Variants in PHF20 observed in about 807,000 individuals in gnomAD.
The protein encoded by PHF20 is PHD finger protein 20, also known as glioma-expressed antigen 2.
In PHF20, 23 loss-of-function variants were observed where a neutral mutation model predicts 113.5. The observed-to-expected ratio is 0.20, with a 90% CI of 0.15 to 0.29. PHF20 has a LOEUF of 0.29. Ranked by LOEUF, PHF20 falls within the 10% of genes least tolerant of loss-of-function variation. The pLI, the probability that PHF20 is intolerant of heterozygous loss-of-function variation, is 1.00. For synonymous variants in PHF20, 434 were observed against 457.3 expected, an observed-to-expected ratio of 0.95 and a Z score of 0.65; for missense variants, 943 against 1,219.6, an observed-to-expected ratio of 0.77 and a Z score of 3.38.
At chr20:35,931,705 C>G (rs2055758079) in intron 15 of PHF20, among the ~76,000 whole-genome samples, 1 of 152,038 alleles carries the variant, frequency 6.6e-6, no homozygotes, top group Non-Finnish European at 1.5e-5. Context: ...GTAATCCCAG[C>G]ACTTTGGGAG....
At chr20:35,898,984 A>G (rs1174524251) in intron 9 of PHF20, among the ~76,000 whole-genome samples, 1 of 152,030 alleles carries the variant, frequency 6.6e-6, no homozygotes, top group Non-Finnish European at 1.5e-5. Context: ...CCTGATCTCG[A>G]GTGATCCACC....
intron 13 of PHF20, among the ~76,000 whole-genome samples, chr20:35,923,399 A>C (rs931466109): frequency 1.3e-5 from 2 of 152,244 alleles, no homozygotes; most frequent in East Asian, 3.8e-4. Context: ...CCAGGAGTTC[A>C]AAACCAGCTT....
chr20:35,847,713 C>T (rs934387291), intron 4 of PHF20, among the ~76,000 whole-genome samples: 2 of 152,170 alleles, frequency 1.3e-5, no homozygotes, highest in African/African-American at 4.8e-5. Context: ...TATGCAGGTA[C>T]TTGCTGTCTA....
intron 3 of PHF20, 69 bp from the exon 4 acceptor site, chr20:35,847,281 G>GGTATGTCCT (rs1471405028): frequency 1.0e-6 from 1 of 997,198 alleles, no homozygotes; most frequent in African/African-American, 1.6e-5. Flanking sequence ...TATGAGATCT[G>GGTATGTCCT]GTATGTCCTG....
rs373749838 is a variant in PHF20, at chr20:35,925,697, ATT to A, written c.2005-2070_2005-2069del. On this transcript the variant is annotated intron_variant, in intron 13 of 17. Coordinates refer to ENST00000374012, the MANE Select transcript of PHF20 (RefSeq NM_016436.5). ...TGTGTGTTCTTCAAATAGTATTTAC[ATT>A]TTTTTTTTTTTTAGAGAGGCAATAC... Among the ~76,000 whole-genome samples, 15 of 140,582 alleles carry A rather than the reference ATT, an allele frequency of 1.1e-4. No individual in the cohort carries two copies. The East Asian group carries it at 1.3e-3, about 12-fold the overall frequency. 92.2% of individuals were successfully genotyped at this position (140,582 alleles called of 152,430 possible).
chr20:35,869,312 TG>T lies in PHF20; in HGVS notation c.809-125del. Reference sequence around the variant, plus strand: ...TTTATCTTAAGTAAGAATGCCCTTTTGATGGCCCATTTATAATGCAGTGATT... The same window carrying T: ...TTTATCTTAAGTAAGAATGCCCTTTTATGGCCCATTTATAATGCAGTGATT... On this transcript the variant is annotated intron_variant, in intron 6 of 17. Coordinates refer to ENST00000374012, the MANE Select transcript of PHF20 (RefSeq NM_016436.5). 6.1e-6 allele frequency: 3 copies of T among 495,178 alleles called. No homozygotes were observed. The South Asian group carries it at 1.1e-4, about 18-fold the overall frequency. The allele number at this position is 495,178 out of a possible 1,614,324, so 30.7% of individuals were successfully genotyped here.
Position 35,899,446 on chromosome 20 carries a change from A to G in PHF20, c.1359A>G (p.Arg453=), listed in dbSNP as rs1303664694. ...APAVDLDHKF[R]CKVVDCLKFF... ...CTGTCGACCTAGACCATAAGTTTAGATGCAAAGTTGTGGACTGTTTAAAAT... is the reference window on the plus strand; with the variant it reads ...CTGTCGACCTAGACCATAAGTTTAGGTGCAAAGTTGTGGACTGTTTAAAAT... Residue 453 remains arginine (R), a synonymous_variant, in exon 10 of 18, where the codon AGA becomes AGG. Transcript: ENST00000374012. 1.2e-6 allele frequency: 2 copies of G among 1,614,200 alleles called. No individual in the cohort carries two copies. The highest frequency in any genetic ancestry group is 1.7e-6 in the Non-Finnish European group (2 of 1,179,996).
chr20:35,930,768 G>A (rs878904551), intron 14 of PHF20, among the ~76,000 whole-genome samples: 5 of 152,306 alleles, frequency 3.3e-5, no homozygotes, highest in Admixed American at 1.3e-4. Context: ...GAAGGGATGC[G>A]CAAGTGAAGG....
At chr20:35,944,610 C>A (rs1481603844) in intron 17 of PHF20, among the ~76,000 whole-genome samples, 1 of 152,102 alleles carries the variant, frequency 6.6e-6, no homozygotes, top group African/African-American at 2.4e-5. Flanking sequence ...TGCTCTTTCT[C>A]GCCCAGGCTG....
intron 10 of PHF20, among the ~76,000 whole-genome samples, chr20:35,911,148 C>G (rs2055293415): frequency 6.6e-6 from 1 of 152,172 alleles, no homozygotes; most frequent in Non-Finnish European, 1.5e-5. Context: ...TCACGCCATT[C>G]TCCTGCCTCA....
chr20:35,873,402 A>C (rs2054458346), intron 9 of PHF20, among the ~76,000 whole-genome samples: 1 of 151,344 alleles, frequency 6.6e-6, no homozygotes, highest in Non-Finnish European at 1.5e-5. Context: ...TTTCTGGCCT[A>C]AATGTAATTG....
At chr20:35,795,887 G>A (rs1372498417) in intron 1 of PHF20, among the ~76,000 whole-genome samples, 2 of 151,962 alleles carry the variant, frequency 1.3e-5, no homozygotes, top group Non-Finnish European at 2.9e-5. Flanking sequence ...GTCTCACTCT[G>A]TCGCCCAGGC....
intron 2 of PHF20, among the ~76,000 whole-genome samples, chr20:35,807,184 G>A (rs956480714): frequency 2.6e-5 from 4 of 151,998 alleles, no homozygotes; most frequent in Middle Eastern, 3.4e-3. Flanking sequence ...TATTTAATTG[G>A]TATCTTGATA....
At chr20:35,778,464 A>G (rs2041219174) in intron 1 of PHF20, among the ~76,000 whole-genome samples, 1 of 152,086 alleles carries the variant, frequency 6.6e-6, no homozygotes, top group African/African-American at 2.4e-5. Context: ...CCTAATGAAA[A>G]TTGAGACAGG....
intron 2 of PHF20, among the ~76,000 whole-genome samples, chr20:35,822,846 TAAAAAAAAAAA>T (rs780275666): frequency 3.6e-5 from 2 of 55,536 alleles, no homozygotes; most frequent in Non-Finnish European, 6.8e-5. Flanking sequence ...ACCCTGCTTC[TAAAAAAAAAAA>T]AAAAAAAAAA....
At chr20:35,848,858 TA>T (rs11472341) in intron 4 of PHF20, among the ~76,000 whole-genome samples, 668 of 133,186 alleles carry the variant, frequency 5.0e-3, no homozygotes, top group Admixed American at 5.7e-3. Flanking sequence ...CTCTGTCTCT[TA>T]AAAAAAAAAA....
chr20:35,869,650 G>A, intron 7 of PHF20, 99 bp downstream of exon 7: 1 of 735,328 alleles, frequency 1.4e-6, no homozygotes. Context: ...AGGCTCTAAT[G>A]TTTGTCTCTG....
chr20:35,864,270 T>G (rs533421885), intron 6 of PHF20, among the ~76,000 whole-genome samples: 58 of 152,272 alleles, frequency 3.8e-4, no homozygotes, highest in African/African-American at 1.4e-3. Context: ...GTGGATACAT[T>G]TAAAATACAA....
intron 2 of PHF20, among the ~76,000 whole-genome samples, chr20:35,823,247 C>T (rs922550554): frequency 1.3e-5 from 2 of 151,944 alleles, no homozygotes; most frequent in Non-Finnish European, 2.9e-5. Flanking sequence ...GTAAAATTCG[C>T]TCTTTTTCAG....
Sources: allele counts gnomAD v4.1 joint callset (sites outside exome capture counted in the v4.1 genomes callset), GRCh38; gene constraint gnomAD v4.1.1; transcripts MANE v1.5; gene names NCBI Gene and HGNC (gene_info 2026-07-23, HGNC 2026-07-21).